Variants in ZFHX4 observed in about 807,000 individuals in gnomAD.
ZFHX4 encodes the protein zinc finger homeobox protein 4.
ZFHX4 carries 56 observed loss-of-function variants against 267.6 expected under a neutral mutation model. The ratio of observed to expected loss-of-function variants is 0.21; its 90% confidence interval spans 0.17 to 0.26. The LOEUF (loss-of-function observed/expected upper bound fraction) is 0.26. Ranked by LOEUF, ZFHX4 falls within the 10% of genes least tolerant of loss-of-function variation. ZFHX4 has a pLI of 1.00. For missense variants in ZFHX4, 4,332 were observed against 4,420.0 expected (o/e 0.98, Z 0.56); for synonymous variants, 1,778 against 1,665.6 (o/e 1.07, Z -1.64).
intron 3 of ZFHX4, among the ~76,000 whole-genome samples, chr8:76,720,915 T>G (rs1808702911): frequency 6.6e-6 from 1 of 152,200 alleles, no homozygotes; most frequent in Non-Finnish European, 1.5e-5. Flanking sequence ...GTAACAGTGA[T>G]AACTCAGTCA....
chr8:76,851,724 A>C lies in ZFHX4; in HGVS notation c.4803A>C (p.Ala1601=). 4 of 1,614,006 alleles carry C rather than the reference A, an allele frequency of 2.5e-6. No individual in the cohort carries two copies. Among genetic ancestry groups the C allele is most frequent in the Non-Finnish European group, 3.4e-6 (4 of 1,179,884 alleles). ...ACAAGTGCAGCATCTGCAATGTTGC[A>C]TACAGCCAAAGCTCAACATTGGAAA... ...KPYKCSICNV[A]YSQSSTLEIH... Residue 1601 remains alanine (A), a synonymous_variant, in exon 10 of 11, where the codon GCA becomes GCC. Transcript: ENST00000651372.
chr8:76,811,485 T>C (rs1428045324), intron 4 of ZFHX4, among the ~76,000 whole-genome samples: 1 of 152,190 alleles, frequency 6.6e-6, no homozygotes, highest in Non-Finnish European at 1.5e-5. Flanking sequence ...TGGTATTCTC[T>C]GTTAGAGCCA....
rs755004156 is a variant in ZFHX4, at chr8:76,854,966, C to G, written c.8045C>G (p.Ala2682Gly). ...CATAAACGGTGTCCGTTTTGCCGAGCCCTGTTTAAAGCAAAGTCGGCCTTA... is the reference window on the plus strand; with the variant it reads ...CATAAACGGTGTCCGTTTTGCCGAGGCCTGTTTAAAGCAAAGTCGGCCTTA... ...QSHKRCPFCR[A>G]LFKAKSALES... Residue 2682 changes from alanine (A) to glycine (G), a missense_variant, in exon 10 of 11, where the codon GCC (alanine) becomes GGC (glycine). This residue lies in a region of ZFHX4 where 1,648 missense variants were observed against 1,625.0 expected (regional missense o/e 1.01). Coordinates refer to ENST00000651372, the MANE Select transcript of ZFHX4 (RefSeq NM_024721.5). The G allele has an allele frequency of 3.7e-6, 6 of 1,613,810 alleles. No individual in the cohort carries two copies. In the Admixed American group the frequency reaches 1.0e-4, roughly 27 times the overall value.
intron 3 of ZFHX4, among the ~76,000 whole-genome samples, chr8:76,759,591 G>T (rs888492614): frequency 6.6e-5 from 10 of 152,206 alleles, no homozygotes; most frequent in Non-Finnish European, 1.2e-4. Flanking sequence ...AGATGGAACT[G>T]CAGCCATCTG....
chr8:76,711,765 T>C (rs527786158), intron 3 of ZFHX4, among the ~76,000 whole-genome samples: 1 of 152,038 alleles, frequency 6.6e-6, no homozygotes, highest in Admixed American at 6.6e-5. Flanking sequence ...TAAAAAGATA[T>C]AATGAAAACC....
At position 76,852,692 on chromosome 8, in the gene ZFHX4, A is replaced by G. The variant is rs770471126; in HGVS notation, c.5771A>G (p.Tyr1924Cys). 49 of 1,613,834 alleles carry G rather than the reference A, an allele frequency of 3.0e-5. No individual in the cohort carries two copies. Among genetic ancestry groups the G allele is most frequent in the South Asian group, 1.3e-4 (12 of 91,080 alleles). Residue 1924 changes from tyrosine to cysteine, a missense_variant, in exon 10 of 11, where the codon TAT (tyrosine) becomes TGT (cysteine). Physicochemically the swap from Tyr to Cys is radical, Grantham distance 194 (BLOSUM62 -2). This residue lies in a region of ZFHX4 where 1,371 missense variants were observed against 1,423.1 expected (regional missense o/e 0.96). Coordinates refer to ENST00000651372, the MANE Select transcript of ZFHX4 (RefSeq NM_024721.5). Reference protein sequence around the residue: ...ENFGFELVIQYNENRQKVQKK... With the variant: ...ENFGFELVIQCNENRQKVQKK... ...TTTGGTTTTGAACTGGTCATTCAGT[A>G]TAACGAAAACAGGCAGAAGGTACAG... is the stretch of plus-strand genomic sequence containing the variant.
intron 3 of ZFHX4, among the ~76,000 whole-genome samples, chr8:76,722,945 T>C (rs75501300): frequency 0.073 from 11,084 of 152,120 alleles, 599 homozygotes; most frequent in African/African-American, 0.15. Context: ...ATCTCCCCAA[T>C]TGGCCTTCAA....
At chr8:76,836,964 CT>C (rs1812108363) in intron 5 of ZFHX4, among the ~76,000 whole-genome samples, 1 of 152,018 alleles carries the variant, frequency 6.6e-6, no homozygotes, top group Non-Finnish European at 1.5e-5. Flanking sequence ...AGGGATGACT[CT>C]TGCTTGTGCT....
intron 4 of ZFHX4, among the ~76,000 whole-genome samples, chr8:76,799,767 A>C (rs965758832): frequency 6.6e-6 from 1 of 152,142 alleles, no homozygotes; most frequent in Non-Finnish European, 1.5e-5. Context: ...AAATATTAAA[A>C]CACCACCTAG....
chr8:76,785,126 C>T (rs1810652762), intron 4 of ZFHX4, among the ~76,000 whole-genome samples: 1 of 151,930 alleles, frequency 6.6e-6, no homozygotes, highest in Non-Finnish European at 1.5e-5. Flanking sequence ...ATTAAATTTA[C>T]ATAAATTTAT....
chr8:76,775,898 T>C (rs1001011186), intron 3 of ZFHX4, among the ~76,000 whole-genome samples: 2 of 149,926 alleles, frequency 1.3e-5, no homozygotes, highest in Non-Finnish European at 3.0e-5. Flanking sequence ...AAGTTTTCTT[T>C]TTTTTTTTTT....
rs917994744 is a variant in ZFHX4, at chr8:76,706,362, G to A, written c.2274G>A (p.Pro758=). 3 of 1,613,920 alleles carry A rather than the reference G, an allele frequency of 1.9e-6. No individual in the cohort carries two copies. Among genetic ancestry groups the A allele is most frequent in the Non-Finnish European group, 2.5e-6 (3 of 1,179,900 alleles). The change falls in exon 2 of 11, where the codon CCG becomes CCA. Residue 758 remains proline (P), a synonymous_variant. Coordinates refer to ENST00000651372, the MANE Select transcript of ZFHX4 (RefSeq NM_024721.5). ...TSLSGCGTPS[P]SKPKQKPTWR... ...TCAGTGGCTGCGGAACACCCTCTCC[G>A]TCCAAACCCAAACAGAAACCCACCT...
At position 76,705,927 on chromosome 8, in the gene ZFHX4, C is replaced by T. The variant is rs371449494; in HGVS notation, c.1839C>T (p.Ile613=). The change falls in exon 2 of 11, where the codon ATC becomes ATT. Residue 613 remains isoleucine, a synonymous_variant. Transcript: ENST00000651372. ...PGGDGSPGSG[I]ECPKCDTVLG... ...GAGACGGCTCACCGGGCAGTGGCAT[C>T]GAGTGTCCAAAGTGCGACACTGTGT... The T allele has an allele frequency of 6.2e-7, 1 of 1,613,344 alleles. No homozygotes were observed. The highest frequency in any genetic ancestry group is 8.5e-7 in the Non-Finnish European group (1 of 1,179,798).
Position 76,851,909 on chromosome 8 carries a change from C to A in ZFHX4, c.4988C>A (p.Thr1663Asn), listed in dbSNP as rs1812537708. Residue 1663 changes from threonine to asparagine, a missense_variant, in exon 10 of 11, where the codon ACC becomes AAC. Around this residue, in one of 7 missense-constraint regions of ZFHX4, gnomAD observed 1,371 missense variants for 1,423.1 expected, o/e 0.96. Coordinates refer to ENST00000651372, the MANE Select transcript of ZFHX4 (RefSeq NM_024721.5). The stretch of plus-strand genomic sequence containing the variant: ...TTAGCAGCTGTAAACAGCAAAGATA[C>A]CCATTTAGATGCCAAAGAATTAAAT... ...MSLAAVNSKD[T>N]HLDAKELNKK... is the part of the protein sequence containing the mutation. 1.9e-6 allele frequency: 3 copies of A among 1,613,952 alleles called. No individual in the cohort carries two copies. The highest frequency in any genetic ancestry group is 2.5e-6 in the Non-Finnish European group (3 of 1,179,874).
chr8:76,838,022 G>T (rs376809934), intron 5 of ZFHX4, among the ~76,000 whole-genome samples: 1 of 152,070 alleles, frequency 6.6e-6, no homozygotes, highest in Non-Finnish European at 1.5e-5. Flanking sequence ...TATTAACTCC[G>T]TTTTCATAGA....
chr8:76,769,417 A>G (rs772915082), intron 3 of ZFHX4, among the ~76,000 whole-genome samples: 4 of 151,466 alleles, frequency 2.6e-5, no homozygotes, highest in African/African-American at 7.3e-5. Context: ...TGCCCTGATC[A>G]CCATTCACTA....
At chr8:76,840,205 A>G (rs540183988) in intron 5 of ZFHX4, among the ~76,000 whole-genome samples, 124 of 152,300 alleles carry the variant, frequency 8.1e-4, no homozygotes, top group African/African-American at 2.9e-3. Context: ...GAGAGGGGAA[A>G]AAAGTCACAG....
At position 76,853,426 on chromosome 8, in the gene ZFHX4, T is replaced by C; in HGVS notation, c.6505T>C (p.Ser2169Pro). 5 of 1,613,788 alleles carry C rather than the reference T, an allele frequency of 3.1e-6. No individual in the cohort carries two copies. Among genetic ancestry groups the C allele is most frequent in the Non-Finnish European group, 4.2e-6 (5 of 1,179,844 alleles). Residue 2169 changes from serine (S) to proline (P), a missense_variant, in exon 10 of 11, where the codon TCC becomes CCC. Around this residue, in one of 7 missense-constraint regions of ZFHX4, gnomAD observed 48 missense variants for 95.4 expected, o/e 0.50. Coordinates refer to ENST00000651372, the MANE Select transcript of ZFHX4 (RefSeq NM_024721.5). ...GGAAATGGCAGAGAAATCTGGCCTC[T>C]CCCAAAAAGTTATCAAACACTGGTT... ...IQEMAEKSGL[S>P]QKVIKHWFRN... is the part of the protein sequence containing the mutation.
chr8:76,713,765 T>A (rs1476828528), intron 3 of ZFHX4, among the ~76,000 whole-genome samples: 1 of 152,178 alleles, frequency 6.6e-6, no homozygotes, highest in Non-Finnish European at 1.5e-5. Context: ...GTGCATTTTT[T>A]AAAAAGGAAC....
Sources: gnomAD v4.1 joint callset for allele counts (sites outside exome capture counted in the v4.1 genomes callset) on GRCh38, gnomAD v4.1.1 for gene constraint, gnomAD v4.1.1 regional missense constraint, MANE v1.5 for transcripts, NCBI Gene and HGNC (gene_info 2026-07-23, HGNC 2026-07-21) for gene names.